The following CSMD1 variants were observed in gnomAD, a reference collection of about 807,000 sequenced individuals.
The protein encoded by CSMD1 is CUB and sushi domain-containing protein 1.
In CSMD1, 213 loss-of-function variants were observed where a neutral mutation model predicts 417.5. That is an observed-to-expected ratio of 0.51 (90% CI 0.46 to 0.57). The LOEUF is 0.57. Ranked by LOEUF, CSMD1 falls within the 20% of genes least tolerant of loss-of-function variation. The pLI, the probability that CSMD1 is intolerant of heterozygous loss-of-function variation, is 0.00. For missense variants in CSMD1, 6,923 were observed against 4,529.7 expected (o/e 1.53, Z -15.17); for synonymous variants, 2,862 against 1,736.8 (o/e 1.65, Z -16.11).
At chr8:3,362,588 TA>T (rs1434868446) in intron 20 of CSMD1, among the ~76,000 whole-genome samples, 2 of 152,160 alleles carry the variant, frequency 1.3e-5, no homozygotes, top group Non-Finnish European at 2.9e-5. Context: ...GGGTTTCCAG[TA>T]TTTCTTTTTC....
intron 4 of CSMD1, among the ~76,000 whole-genome samples, chr8:4,011,497 C>G (rs1370153481): frequency 1.3e-5 from 2 of 152,090 alleles, no homozygotes; most frequent in Admixed American, 6.5e-5. Flanking sequence ...CTTGAACCCA[C>G]TTGAGTCAGA....
chr8:4,002,527 T>A (rs1184529090), intron 4 of CSMD1, among the ~76,000 whole-genome samples: 2 of 152,212 alleles, frequency 1.3e-5, no homozygotes, highest in East Asian at 3.8e-4. Flanking sequence ...GAAACAGTTT[T>A]CAAAGCCCAT....
chr8:4,059,631 A>T (rs904664249), intron 3 of CSMD1, among the ~76,000 whole-genome samples: 5 of 152,158 alleles, frequency 3.3e-5, no homozygotes, highest in African/African-American at 9.7e-5. Context: ...ATCCCACAGA[A>T]ATACAAACTG....
intron 3 of CSMD1, among the ~76,000 whole-genome samples, chr8:4,047,592 G>C (rs1056656228): frequency 6.6e-6 from 1 of 151,936 alleles, no homozygotes; most frequent in East Asian, 1.9e-4. Context: ...TACTGAATGC[G>C]TATTATGTGT....
chr8:3,633,296 C>T (rs1196034790), intron 7 of CSMD1, among the ~76,000 whole-genome samples: 1 of 152,144 alleles, frequency 6.6e-6, no homozygotes, highest in Non-Finnish European at 1.5e-5. Context: ...AAAATGCATA[C>T]TCAGAAGTGC....
chr8:4,830,923 C>G (rs924269462), intron 1 of CSMD1, among the ~76,000 whole-genome samples: 4 of 152,060 alleles, frequency 2.6e-5, no homozygotes, highest in Non-Finnish European at 5.9e-5. Flanking sequence ...AGTGAACTTC[C>G]TTATGTTACC....
At chr8:2,981,166 C>T (rs536349415) in intron 54 of CSMD1, among the ~76,000 whole-genome samples, 1 of 152,326 alleles carries the variant, frequency 6.6e-6, no homozygotes, top group East Asian at 1.9e-4. Flanking sequence ...ACTTCCATAC[C>T]ATTGTTGCAA....
intron 2 of CSMD1, among the ~76,000 whole-genome samples, chr8:4,478,537 T>G (rs1800924566): frequency 6.6e-6 from 1 of 152,194 alleles, no homozygotes; most frequent in East Asian, 1.9e-4. Flanking sequence ...TTTAATACAC[T>G]GCCTTCCATT....
chr8:4,572,207 A>C (rs747274670), intron 2 of CSMD1, among the ~76,000 whole-genome samples: 26 of 152,160 alleles, frequency 1.7e-4, no homozygotes, highest in Non-Finnish European at 2.6e-4. Flanking sequence ...GTTTCTTCAT[A>C]GTGTTGTTGG....
intron 2 of CSMD1, among the ~76,000 whole-genome samples, chr8:4,424,619 G>A (rs1270675736): frequency 6.6e-6 from 1 of 152,028 alleles, no homozygotes; most frequent in Non-Finnish European, 1.5e-5. Context: ...AAATGGTACA[G>A]CCATTTTCTG....
intron 6 of CSMD1, among the ~76,000 whole-genome samples, chr8:3,715,385 G>T (rs1390736277): frequency 6.6e-6 from 1 of 152,096 alleles, no homozygotes. Flanking sequence ...GAGCCTCCAG[G>T]TCTGCCCTAA....
intron 5 of CSMD1, among the ~76,000 whole-genome samples, chr8:3,895,470 A>G (rs1434890028): frequency 6.6e-6 from 1 of 152,176 alleles, no homozygotes; most frequent in Non-Finnish European, 1.5e-5. Context: ...CAGACAAAAA[A>G]GAAAAAATCA....
intron 2 of CSMD1, among the ~76,000 whole-genome samples, chr8:4,514,105 A>G (rs73496684): frequency 0.088 from 13,390 of 152,158 alleles, 709 homozygotes; most frequent in African/African-American, 0.15. Flanking sequence ...ACAGTTCTAG[A>G]GGCTGAAGTT....
intron 3 of CSMD1, among the ~76,000 whole-genome samples, chr8:4,199,622 G>C (rs114668550): frequency 1.3e-5 from 2 of 152,096 alleles, no homozygotes; most frequent in African/African-American, 4.8e-5. Flanking sequence ...CTTGCATTTT[G>C]CTTTGCATAA....
chr8:4,757,783 A>G (rs1811759390), intron 1 of CSMD1, among the ~76,000 whole-genome samples: 1 of 151,972 alleles, frequency 6.6e-6, no homozygotes, highest in Non-Finnish European at 1.5e-5. Flanking sequence ...ACATGGTGAA[A>G]CCCTGTTTCT....
Position 3,772,498 on chromosome 8 carries a change from CATATAT to C in CSMD1, c.819-18462_819-18457del, listed in dbSNP as rs1200140205. Among the ~76,000 whole-genome samples, 5 of 11,938 alleles carry C rather than the reference CATATAT, an allele frequency of 4.2e-4. 1 individual carries two copies. The highest frequency in any genetic ancestry group is 9.2e-4 in the Non-Finnish European group (5 of 5,428). The allele number at this position is 11,938 out of a possible 152,430, so 7.8% of individuals were successfully genotyped here. A position where few individuals can be genotyped will look rare whatever the true frequency, so the allele number is the denominator to read the frequency against. On this transcript the variant is annotated intron_variant, in intron 5 of 69. Transcript: ENST00000635120. ...ATATATACATATATACACATATATA[CATATAT>C]ACACATATATACATATATACACATA...
At chr8:3,692,613 C>T (rs1488809285) in intron 7 of CSMD1, among the ~76,000 whole-genome samples, 1 of 151,858 alleles carries the variant, frequency 6.6e-6, no homozygotes, top group Non-Finnish European at 1.5e-5. Context: ...TTGTATTTTT[C>T]GTAGAGGTGG....
intron 3 of CSMD1, among the ~76,000 whole-genome samples, chr8:4,213,925 T>C (rs190485306): frequency 6.6e-6 from 1 of 152,338 alleles, no homozygotes; most frequent in East Asian, 1.9e-4. Flanking sequence ...ACTCATTAAT[T>C]AGACACTAGC....
chr8:4,033,242 C>A lies in CSMD1; in HGVS notation c.416-1143G>T, dbSNP rs188330015. On this transcript the variant is annotated intron_variant, in intron 3 of 69. Transcript: ENST00000635120. ...GATCGTGAGGTCAAGAGATCGAGACCATCCTGGCTAACACGGTGAAACCCT... is the reference window on the plus strand; with the variant it reads ...GATCGTGAGGTCAAGAGATCGAGACAATCCTGGCTAACACGGTGAAACCCT... 2.9e-3 allele frequency among the ~76,000 whole-genome samples: 438 copies of A among 151,334 alleles called. 3 individuals are homozygous for A. Among genetic ancestry groups the A allele is most frequent in the African/African-American group, 0.01 (417 of 41,218 alleles).
Sources: allele counts gnomAD v4.1 joint callset (sites outside exome capture counted in the v4.1 genomes callset), GRCh38; gene constraint gnomAD v4.1.1; transcripts MANE v1.5; gene names NCBI Gene and HGNC (gene_info 2026-07-23, HGNC 2026-07-21).